The following FER1L5 variants were observed in gnomAD, a reference collection of about 807,000 sequenced individuals.
FER1L5 encodes fer-1-like protein 5.
A neutral mutation model predicts 279.9 loss-of-function variants in FER1L5; 187 were observed. The observed-to-expected ratio is 0.67, with a 90% confidence interval of 0.59 to 0.75. FER1L5 has a LOEUF of 0.75. Among genes scored for constraint, FER1L5 ranks in the 30% least tolerant of loss-of-function variants. FER1L5 has a pLI of 0.00. For synonymous variants in FER1L5, 921 were observed against 989.7 expected, an observed-to-expected ratio of 0.93 and a Z score of 1.30; for missense variants, 2,091 against 2,594.4, an observed-to-expected ratio of 0.81 and a Z score of 4.21.
chr2:96,700,258 G>A (rs1384966607), intron 44 of FER1L5, 74 bp from the exon 45 acceptor site: 3 of 1,597,454 alleles, frequency 1.9e-6, no homozygotes, highest in South Asian at 1.1e-5. Flanking sequence ...GCGGTCGGGA[G>A]GGTAAGAGCC....
intron 14 of FER1L5, among the ~76,000 whole-genome samples, chr2:96,667,786 G>C (rs1041841933): frequency 1.3e-5 from 2 of 152,246 alleles, no homozygotes; most frequent in African/African-American, 2.4e-5. Context: ...GGCTGTATGA[G>C]GACAGTAATA....
At chr2:96,659,333 C>T (rs1469899183) in intron 9 of FER1L5, among the ~76,000 whole-genome samples, 7 of 77,312 alleles carry the variant, frequency 9.1e-5, no homozygotes, top group East Asian at 8.4e-4. Flanking sequence ...TTCCTTCCTT[C>T]CTTCCTTCCT....
Position 96,685,400 on chromosome 2 carries a change from A to G in FER1L5, c.1866A>G (p.Lys622=). 1.3e-6 allele frequency: 2 copies of G among 1,551,132 alleles called. No homozygotes were observed. The highest frequency in any genetic ancestry group is 1.2e-5 in the South Asian group (1 of 84,014). ...KDPALLYQWE[K]LLRELAEDCK... is the part of the protein sequence containing the mutation. ...CAGCTCTCCTCTACCAGTGGGAGAA[A>G]CTGCTGAGGGAGCTGGCAGAGGACT... The change falls in exon 21 of 53, where the codon AAA becomes AAG. Residue 622 remains lysine, a synonymous_variant. Transcript: ENST00000624922.
At chr2:96,648,612 C>G (rs958804747) in intron 4 of FER1L5, among the ~76,000 whole-genome samples, 1 of 152,186 alleles carries the variant, frequency 6.6e-6, no homozygotes, top group Non-Finnish European at 1.5e-5. Context: ...CCATTTGGAG[C>G]TGATTGTTAT....
At chr2:96,672,341 GCTGGGATTACA>G (rs1350059810) in intron 18 of FER1L5, among the ~76,000 whole-genome samples, 2 of 152,150 alleles carry the variant, frequency 1.3e-5, no homozygotes. Flanking sequence ...CTCCCAAACT[GCTGGGATTACA>G]GGCATGAGCC....
In FER1L5 at chr2:96,683,645, GC is replaced by G. The variant is rs574922517; in HGVS notation, c.1670-676del. Among the ~76,000 whole-genome samples, 7 of 152,154 alleles carry G rather than the reference GC, an allele frequency of 4.6e-5. No individual in the cohort carries two copies. The East Asian group carries it at 1.2e-3, about 25-fold the overall frequency. The stretch of plus-strand genomic sequence containing the variant: ...TGGTCAGCCCTAGGCTTTCTCTTCT[GC>G]CCCCCATTCCTCCCATAGTCGCCAA... On this transcript the variant is annotated intron_variant, in intron 19 of 52. Coordinates refer to ENST00000624922, the MANE Select transcript of FER1L5 (RefSeq NM_001293083.2).
At position 96,695,771 on chromosome 2, in the gene FER1L5, G is replaced by A; in HGVS notation, c.3924G>A (p.Leu1308=). The change falls in exon 36 of 53, where the codon CTG becomes CTA. Residue 1308 remains leucine, a synonymous_variant. Transcript: ENST00000624922. ...TGCCGACGGAGGAGGCCTATGCACT[G>A]CCCCTCGTGGTGAAGGTGGTAGACA... ...VLMPTEEAYA[L]PLVVKVVDNW... is the part of the protein sequence containing the mutation. 1 of 1,612,828 alleles carries A rather than the reference G, an allele frequency of 6.2e-7. No homozygotes were observed. Among genetic ancestry groups the A allele is most frequent in the Non-Finnish European group, 8.5e-7 (1 of 1,179,470 alleles).
At chr2:96,646,367 T>C in intron 1 of FER1L5, 34 bp from the exon 2 acceptor site, 1 of 1,550,324 alleles carries the variant, frequency 6.5e-7, no homozygotes, top group Non-Finnish European at 8.7e-7. Flanking sequence ...AAATATTTCC[T>C]ACCATCAATG....
intron 19 of FER1L5, among the ~76,000 whole-genome samples, chr2:96,674,795 A>G (rs2076452322): frequency 6.6e-6 from 1 of 152,066 alleles, no homozygotes; most frequent in African/African-American, 2.4e-5. Context: ...TGGGTGACAG[A>G]GTGAGACCCT....
intron 19 of FER1L5, among the ~76,000 whole-genome samples, chr2:96,674,649 T>A (rs1407056093): frequency 6.6e-6 from 1 of 151,842 alleles, no homozygotes; most frequent in Admixed American, 6.6e-5. Flanking sequence ...ATGAAATATT[T>A]AAAAAAAAGC....
chr2:96,694,295 C>T lies in FER1L5; in HGVS notation c.3637-65C>T. 6.9e-7 allele frequency: 1 copy of T among 1,445,158 alleles called. No individual in the cohort carries two copies. The highest frequency in any genetic ancestry group is 2.4e-5 in the Admixed American group (1 of 42,296). The allele number at this position is 1,445,158 out of a possible 1,614,324, so 89.5% of individuals were successfully genotyped here. A position where few individuals can be genotyped will look rare whatever the true frequency, so the allele number is the denominator to read the frequency against. On this transcript the variant is annotated intron_variant, in intron 33 of 52. Coordinates refer to ENST00000624922, the MANE Select transcript of FER1L5 (RefSeq NM_001293083.2). The surrounding 1 kb of genome is among the most constrained non-coding windows in gnomAD (Gnocchi z 4.6). ...CTCGGTGAGGCCTCTGAGGGACCTG[C>T]TTGAGGTGAGGGTGAGGGCAGCAGG...
chr2:96,697,929 G>A (rs1040620884), intron 39 of FER1L5, 108 bp from the exon 40 acceptor site: 1 of 1,479,536 alleles, frequency 6.8e-7, no homozygotes, highest in Non-Finnish European at 9.1e-7. Flanking sequence ...TGGCCCCAGG[G>A]CCGCTGACTG....
chr2:96,663,565 T>G, intron 14 of FER1L5, 58 bp downstream of exon 14: 1 of 1,532,946 alleles, frequency 6.5e-7, no homozygotes, highest in Non-Finnish European at 8.8e-7. Flanking sequence ...AGAAGGGAAG[T>G]TTGGATGATT....
chr2:96,653,452 T>C (rs1270988793), intron 7 of FER1L5, 188 bp from the exon 8 acceptor site: 2 of 591,488 alleles, frequency 3.4e-6, no homozygotes, highest in Admixed American at 6.4e-5. Context: ...ACTCAGAAAG[T>C]TTCAGATTTT....
intron 9 of FER1L5, among the ~76,000 whole-genome samples, chr2:96,659,400 T>TCCTTTCTTTC (rs2075807000): frequency 4.7e-4 from 3 of 6,324 alleles, no homozygotes; most frequent in Non-Finnish European, 7.3e-4. Context: ...TTTCTTTCTT[T>TCCTTTCTTTC]CTTTCTTTCT....
At position 96,702,874 on chromosome 2, in the gene FER1L5, C is replaced by A; in HGVS notation, c.5398-104C>A. ...AGAAACATGTCCTCAGGTGGAAACC[C>A]TCTTCCTTGATAGTCTATCACTGCT... is the stretch of plus-strand genomic sequence containing the variant. On this transcript the variant is annotated intron_variant, in intron 48 of 52. Transcript: ENST00000624922. This position sits in a 1 kb window ranked among gnomAD's most constrained non-coding sequence, Gnocchi z 4.0. 2 of 1,530,174 alleles carry A rather than the reference C, an allele frequency of 1.3e-6. No individual in the cohort carries two copies. The highest frequency in any genetic ancestry group is 1.2e-5 in the South Asian group (1 of 82,940). The allele number at this position is 1,530,174 out of a possible 1,614,324, so 94.8% of individuals were successfully genotyped here. A position where few individuals can be genotyped will look rare whatever the true frequency, so the allele number is the denominator to read the frequency against.
chr2:96,651,978 C>CCAG lies in FER1L5; in HGVS notation c.592_594dup (p.Gln198dup). Reference sequence around the variant, plus strand: ...AGGTGTCCATCGCAGGCCAGCAGCACCAGACACGCATCAAGATGGGAAACA... The same window carrying CCAG: ...AGGTGTCCATCGCAGGCCAGCAGCACCAGCAGACACGCATCAAGATGGGAAACA... On this transcript the variant is annotated inframe_insertion, in exon 7 of 53. Coordinates refer to ENST00000624922, the MANE Select transcript of FER1L5 (RefSeq NM_001293083.2). 6.4e-7 allele frequency: 1 copy of CCAG among 1,551,884 alleles called. No homozygotes were observed. Among genetic ancestry groups the CCAG allele is most frequent in the Non-Finnish European group, 8.7e-7 (1 of 1,147,026 alleles).
At chr2:96,685,546 C>A in intron 21 of FER1L5, 117 bp downstream of exon 21, 1 of 834,694 alleles carries the variant, frequency 1.2e-6, no homozygotes, top group South Asian at 1.8e-5. Flanking sequence ...AGGAGCACTG[C>A]TCAGACCTCT....
intron 24 of FER1L5, 157 bp downstream of exon 24, chr2:96,688,104 T>C (rs1421244249): frequency 1.0e-6 from 1 of 998,178 alleles, no homozygotes; most frequent in Non-Finnish European, 1.5e-6. Flanking sequence ...AAAAAATTCC[T>C]GACCGAAACT....
Sources: allele counts gnomAD v4.1 joint callset (sites outside exome capture counted in the v4.1 genomes callset), GRCh38; gene constraint gnomAD v4.1.1; non-coding constraint Gnocchi (gnomAD v3.1); transcripts MANE v1.5; gene names NCBI Gene and HGNC (gene_info 2026-07-23, HGNC 2026-07-21).